SMG1: variants seen among roughly 807,000 people sequenced by gnomAD.
SMG1 encodes the protein SMG1 nonsense mediated mRNA decay associated PI3K related kinase.
SMG1 carries 22 observed loss-of-function variants against 419.9 expected under a neutral mutation model. The ratio of observed to expected loss-of-function variants is 0.05; its 90% CI spans 0.04 to 0.07. SMG1 has a LOEUF of 0.07. Among genes scored for constraint, SMG1 ranks in the 10% least tolerant of loss-of-function variants. The pLI, the probability that SMG1 is intolerant of heterozygous loss-of-function variation, is 1.00. For synonymous variants in SMG1, 1,538 were observed against 1,553.5 expected (o/e 0.99, Z 0.23); for missense variants, 3,185 against 4,342.0 (o/e 0.73, Z 7.49).
At chr16:18,913,431 A>G (rs979635803) in intron 1 of SMG1, among the ~76,000 whole-genome samples, 1 of 152,086 alleles carries the variant, frequency 6.6e-6, no homozygotes, top group Non-Finnish European at 1.5e-5. Flanking sequence ...GAACAGAGTA[A>G]AGGTACGTTT....
In SMG1 at chr16:18,840,021, AAGT is replaced by A. The variant is rs1365964678; in HGVS notation, c.6697-78_6697-76del. The A allele has an allele frequency of 2.5e-5, 31 of 1,219,800 alleles. 1 individual carries two copies. The highest frequency in any genetic ancestry group is 4.4e-4 in the Middle Eastern group (2 of 4,560). The allele number at this position is 1,219,800 out of a possible 1,614,324, so 75.6% of individuals were successfully genotyped here. On this transcript the variant is annotated intron_variant, in intron 41 of 62. Transcript: ENST00000446231. Reference sequence around the variant, plus strand: ...GGAAAAAGAGTGCCTTTTGTATGTAAAGTAGAATTTTTAAAAATGATTTTTCAG... The same window carrying A: ...GGAAAAAGAGTGCCTTTTGTATGTAAAGAATTTTTAAAAATGATTTTTCAG...
chr16:18,877,992 T>C (rs1043756581), intron 11 of SMG1: 1 of 152,218 alleles, frequency 6.6e-6, no homozygotes, highest in Non-Finnish European at 1.5e-5. Flanking sequence ...GCCATTTGTT[T>C]CTAATTATAG....
chr16:18,878,914 G>A (rs2036264179), intron 11 of SMG1: 1 of 159,692 alleles, frequency 6.3e-6, no homozygotes, highest in Non-Finnish European at 1.4e-5. Context: ...GGGGGCTGAG[G>A]TGGGAGGATC....
chr16:18,877,147 T>C lies in SMG1; in HGVS notation c.1604A>G (p.Tyr535Cys). The change falls in exon 12 of 63, where the codon TAT (tyrosine) becomes TGT (cysteine). Residue 535 changes from tyrosine (Y) to cysteine (C), a missense_variant. Coordinates refer to ENST00000446231, the MANE Select transcript of SMG1 (RefSeq NM_015092.5). ...IPSSKLLFLR[Y>C]HKEKEVVAVA... Reference sequence around the variant, plus strand: ...ATTACTTACCTCTTTTTCTTTATGATAACGCAAGAATAGTAGTTTAGATGA... The same window carrying C: ...ATTACTTACCTCTTTTTCTTTATGACAACGCAAGAATAGTAGTTTAGATGA... The C allele has an allele frequency of 3.2e-6, 5 of 1,550,000 alleles. No individual in the cohort carries two copies. Among genetic ancestry groups the C allele is most frequent in the Non-Finnish European group, 4.3e-6 (5 of 1,150,618 alleles).
In SMG1 at chr16:18,869,988, G is replaced by C; in HGVS notation, c.2499C>G (p.Asn833Lys). 6.5e-7 allele frequency: 1 copy of C among 1,538,238 alleles called. No individual in the cohort carries two copies. Among genetic ancestry groups the C allele is most frequent in the East Asian group, 2.3e-5 (1 of 42,902 alleles). ...SIPLDVVLSN[N>K]NHTEIQEISL... ...AAATTTCTTGAATTTCTGTGTGATT[G>C]TTATTGCTGTAGACAGAAAATAAAG... Residue 833 changes from asparagine to lysine, a missense_variant, in exon 19 of 63, where the codon AAC becomes AAG. By Grantham distance (94) the Asn-to-Lys change is moderately conservative (BLOSUM62 0). Around this residue, in one of 27 missense-constraint regions of SMG1, gnomAD observed 297 missense variants for 491.0 expected, o/e 0.60. Transcript: ENST00000446231.
intron 1 of SMG1, among the ~76,000 whole-genome samples, chr16:18,914,142 G>A (rs1596654681): frequency 6.6e-6 from 1 of 150,486 alleles, no homozygotes; most frequent in South Asian, 2.1e-4. Context: ...CTCCAGCCTG[G>A]GCAACAAGAG....
chr16:18,817,237 T>A (rs2032095770), intron 57 of SMG1, 54 bp downstream of exon 57: 9 of 1,445,238 alleles, frequency 6.2e-6, no homozygotes, highest in Non-Finnish European at 8.4e-6. Context: ...TAAATTGATT[T>A]TAATAGTATA....
chr16:18,846,796 T>C (rs2034292605), intron 38 of SMG1, among the ~76,000 whole-genome samples: 2 of 152,238 alleles, frequency 1.3e-5, no homozygotes, highest in Admixed American at 1.3e-4. Context: ...GTGCAGCCAC[T>C]GTGGAAAAGT....
chr16:18,888,164 C>CAAAAAAAAAA (rs991748168), intron 6 of SMG1, among the ~76,000 whole-genome samples: 1 of 41,188 alleles, frequency 2.4e-5, no homozygotes, highest in African/African-American at 8.3e-5. Context: ...GACTCTGCAT[C>CAAAAAAAAAA]AAAAAAAAAA....
At chr16:18,845,960 C>T (rs1012589528) in intron 38 of SMG1, among the ~76,000 whole-genome samples, 8 of 152,080 alleles carry the variant, frequency 5.3e-5, no homozygotes, top group East Asian at 3.9e-4. Context: ...CGACTACACA[C>T]GCGCGACACC....
Position 18,815,479 on chromosome 16 carries a change from A to C in SMG1, c.10475T>G (p.Ile3492Ser). ...SQEHVEMLQE[I>S]TPTLKELKTQ... ...TTTCAGTTCTTTCAAGGTGGGAGTG[A>C]TTTCCTGGAGCATTTCAACGTGTTC... The change falls in exon 59 of 63, where the codon ATC becomes AGC. Residue 3492 changes from isoleucine to serine, a missense_variant. Physicochemically the swap from Ile to Ser is moderately radical, Grantham distance 142 (BLOSUM62 -2). Coordinates refer to ENST00000446231, the MANE Select transcript of SMG1 (RefSeq NM_015092.5). The C allele has an allele frequency of 1.2e-6, 2 of 1,613,990 alleles. No homozygotes were observed. The highest frequency in any genetic ancestry group is 1.7e-6 in the Non-Finnish European group (2 of 1,179,882).
rs754876887 is a variant in SMG1 at position 18,870,831 on chromosome 16, G to T, written c.2360C>A (p.Ser787Tyr). ...LQACSSLHAL[S>Y]SSLPDDLLQR... ...TAAAAGATCATCTGGCAAGGAAGAG[G>T]ACAGAGCATGTAGACTGCTGCATGC... The change falls in exon 17 of 63, where the codon TCC (serine) becomes TAC (tyrosine). Residue 787 changes from serine to tyrosine, a missense_variant. Coordinates refer to ENST00000446231, the MANE Select transcript of SMG1 (RefSeq NM_015092.5). The T allele has an allele frequency of 2.9e-5, 46 of 1,589,012 alleles. No individual in the cohort carries two copies. Among genetic ancestry groups the T allele is most frequent in the Non-Finnish European group, 3.8e-5 (44 of 1,167,534 alleles).
In SMG1 at chr16:18,876,285, T is replaced by C; in HGVS notation, c.1729A>G (p.Asn577Asp). 2.5e-6 allele frequency: 4 copies of C among 1,611,742 alleles called. No individual in the cohort carries two copies. The highest frequency in any genetic ancestry group is 3.4e-6 in the Non-Finnish European group (4 of 1,179,682). ...LILGEMTCAL[N>D]NLLHSLQLPE... ...AGTTGTAGACTGTGTAGGAGGTTGT[T>C]TAGGGCACAAGTCATTTCTCCCAAT... The change falls in exon 13 of 63, where the codon AAC becomes GAC. Residue 577 changes from asparagine to aspartate, a missense_variant. Asn to Asp is a conservative substitution (Grantham distance 23, BLOSUM62 1). Around this residue, in one of 27 missense-constraint regions of SMG1, gnomAD observed 297 missense variants for 491.0 expected, o/e 0.60. Coordinates refer to ENST00000446231, the MANE Select transcript of SMG1 (RefSeq NM_015092.5).
At chr16:18,819,760 C>G in intron 55 of SMG1, 106 bp from the exon 56 acceptor site, 1 of 1,149,358 alleles carries the variant, frequency 8.7e-7, no homozygotes, top group South Asian at 1.9e-5. Flanking sequence ...CCAGGGTGGA[C>G]ACATGTAATT....
intron 6 of SMG1, among the ~76,000 whole-genome samples, chr16:18,889,028 G>A (rs565616927): frequency 1.3e-5 from 2 of 151,650 alleles, no homozygotes; most frequent in South Asian, 4.2e-4. Context: ...GTTTCACTAT[G>A]TTAGCCAGGA....
In SMG1 at chr16:18,877,324, A is replaced by C. The variant is rs1253981531; in HGVS notation, c.1519-92T>G. The C allele has an allele frequency of 3.3e-6, 3 of 906,116 alleles. No individual in the cohort carries two copies. In the African/African-American group the frequency reaches 5.1e-5, roughly 15 times the overall value. 56.1% of individuals were successfully genotyped at this position (906,116 alleles called of 1,614,324 possible). ...TGCACACTGATAAGTGAAAGAAGCC[A>C]ATTGAAAAGGCTACATACTATATGA... On this transcript the variant is annotated intron_variant, in intron 11 of 62. Coordinates refer to ENST00000446231, the MANE Select transcript of SMG1 (RefSeq NM_015092.5).
rs900130464 is a variant in SMG1, at chr16:18,872,741, C to G, written c.1891-117G>C. The G allele has an allele frequency of 3.6e-5, 32 of 877,874 alleles. No homozygotes were observed. The African/African-American group carries it at 4.9e-4, about 13-fold the overall frequency. 54.4% of individuals were successfully genotyped at this position (877,874 alleles called of 1,614,324 possible). On this transcript the variant is annotated intron_variant, in intron 13 of 62. Coordinates refer to ENST00000446231, the MANE Select transcript of SMG1 (RefSeq NM_015092.5). ...ATTTTTAAATTAAAATTACAGACTG[C>G]AAGGGATCTAGTACACTAAACCTGG...
At chr16:18,862,450 C>T (rs2035264504) in intron 25 of SMG1, among the ~76,000 whole-genome samples, 1 of 152,198 alleles carries the variant, frequency 6.6e-6, no homozygotes, top group African/African-American at 2.4e-5. Flanking sequence ...TAATGATCTG[C>T]AAATCTCTCA....
In SMG1 at chr16:18,815,499, G is replaced by A. The variant is rs181774586; in HGVS notation, c.10455C>T (p.His3485=). The part of the protein sequence containing the change: ...QAMGQVRSQE[H]VEMLQEITPT... ...GAGTGATTTCCTGGAGCATTTCAACGTGTTCTTGACTTCGAACCTGACCCA... is the reference window on the plus strand; with the variant it reads ...GAGTGATTTCCTGGAGCATTTCAACATGTTCTTGACTTCGAACCTGACCCA... Residue 3485 remains histidine (H), a synonymous_variant, in exon 59 of 63, where the codon CAC becomes CAT. Coordinates refer to ENST00000446231, the MANE Select transcript of SMG1 (RefSeq NM_015092.5). 3.5e-4 allele frequency: 569 copies of A among 1,613,880 alleles called. 2 individuals carry two copies. The highest frequency in any genetic ancestry group is 3.7e-4 in the South Asian group (34 of 91,078).
Sources: allele counts gnomAD v4.1 joint callset (sites outside exome capture counted in the v4.1 genomes callset), GRCh38; gene constraint gnomAD v4.1.1; regional missense constraint gnomAD v4.1.1; transcripts MANE v1.5; gene names NCBI Gene and HGNC (gene_info 2026-07-23, HGNC 2026-07-21).